Variants in DOCK2 observed in about 807,000 individuals in gnomAD.
The protein encoded by DOCK2 is dedicator of cytokinesis protein 2.
DOCK2 carries 87 observed loss-of-function variants against 248.9 expected under a neutral mutation model. The observed-to-expected ratio is 0.35, with a 90% CI of 0.29 to 0.42. The LOEUF (loss-of-function observed/expected upper bound fraction) is 0.42, where lower values mean the gene tolerates loss of function less well. Among genes scored for constraint, DOCK2 ranks in the 10% least tolerant of loss-of-function variants. DOCK2 has a pLI of 1.00. For synonymous variants in DOCK2, 805 were observed against 821.6 expected, an observed-to-expected ratio of 0.98 and a Z score of 0.35; for missense variants, 1,747 against 2,300.2, an observed-to-expected ratio of 0.76 and a Z score of 4.92.
At chr5:170,045,201 G>T (rs1162621124) in intron 38 of DOCK2, among the ~76,000 whole-genome samples, 1 of 152,146 alleles carries the variant, frequency 6.6e-6, no homozygotes, top group African/African-American at 2.4e-5. Context: ...GATTGGCAGA[G>T]TAGAAGAATC....
intron 17 of DOCK2, among the ~76,000 whole-genome samples, chr5:169,713,476 A>G (rs1326789258): frequency 6.6e-6 from 1 of 152,100 alleles, no homozygotes; most frequent in Non-Finnish European, 1.5e-5. Flanking sequence ...TATGTATTCT[A>G]TATGCATTAT....
At chr5:169,732,587 G>A (rs978100435) in intron 22 of DOCK2, among the ~76,000 whole-genome samples, 4 of 152,258 alleles carry the variant, frequency 2.6e-5, no homozygotes, top group Non-Finnish European at 4.4e-5. Context: ...AGTATGCAGC[G>A]TGAGACAGAA....
At chr5:169,828,962 GA>G (rs1769052102) in intron 26 of DOCK2, among the ~76,000 whole-genome samples, 1 of 152,224 alleles carries the variant, frequency 6.6e-6, no homozygotes, top group African/African-American at 2.4e-5. Context: ...AACAGTGTAA[GA>G]GGGGGCAGCT....
At chr5:169,900,098 C>G (rs1026342828) in intron 27 of DOCK2, among the ~76,000 whole-genome samples, 3 of 152,188 alleles carry the variant, frequency 2.0e-5, no homozygotes, top group African/African-American at 7.2e-5. Flanking sequence ...TAAGCACCCA[C>G]TATGTGCCAA....
At chr5:170,063,890 CAG>C (rs886181117) in intron 44 of DOCK2, among the ~76,000 whole-genome samples, 1 of 152,140 alleles carries the variant, frequency 6.6e-6, no homozygotes. Context: ...CAGCTTAGGG[CAG>C]AGAGAGTGAG....
chr5:170,065,324 A>G (rs1278009067), intron 44 of DOCK2, among the ~76,000 whole-genome samples: 1 of 152,216 alleles, frequency 6.6e-6, no homozygotes, highest in Non-Finnish European at 1.5e-5. Flanking sequence ...GGAAGAAAGT[A>G]ATAAAGGAAA....
rs1764264615 is a variant in DOCK2, at chr5:169,757,693, AG to A, written c.2377-2009del. On this transcript the variant is annotated intron_variant, in intron 23 of 51. Coordinates refer to ENST00000520908, the MANE Select transcript of DOCK2 (RefSeq NM_004946.3). ...TTCTTGTAAAATATGTTACTGTAAA[AG>A]GGTTACTATTAATGATGCATGAAAA... Among the ~76,000 whole-genome samples the A allele has an allele frequency of 2.6e-5, 4 of 152,226 alleles. No homozygotes were observed. The South Asian group carries it at 8.3e-4, about 31-fold the overall frequency.
intron 27 of DOCK2, among the ~76,000 whole-genome samples, chr5:169,844,794 G>A (rs541580942): frequency 2.7e-5 from 4 of 150,052 alleles, no homozygotes; most frequent in African/African-American, 9.8e-5. Context: ...CTCTTAGACT[G>A]TAAGAGTTTA....
At chr5:170,026,687 C>T (rs771462503) in intron 33 of DOCK2, among the ~76,000 whole-genome samples, 1 of 152,178 alleles carries the variant, frequency 6.6e-6, no homozygotes, top group Non-Finnish European at 1.5e-5. Context: ...CAAAACAATG[C>T]GTTGAATAAG....
intron 26 of DOCK2, among the ~76,000 whole-genome samples, chr5:169,830,994 G>A (rs182747178): frequency 8.5e-5 from 13 of 152,306 alleles, no homozygotes; most frequent in Middle Eastern, 3.4e-3. Context: ...CTGTGGACAT[G>A]ATTCTTTAGG....
At chr5:169,867,262 A>T (rs1244182600) in intron 27 of DOCK2, among the ~76,000 whole-genome samples, 4 of 152,222 alleles carry the variant, frequency 2.6e-5, no homozygotes, top group Non-Finnish European at 4.4e-5. Context: ...GGCCTTAGGC[A>T]GGTGACAGGA....
intron 44 of DOCK2, among the ~76,000 whole-genome samples, chr5:170,058,545 G>A (rs1757217083): frequency 6.6e-6 from 1 of 152,130 alleles, no homozygotes; most frequent in African/African-American, 2.4e-5. Context: ...GAGGAAATGA[G>A]GAAGGGGTCC....
intron 32 of DOCK2, among the ~76,000 whole-genome samples, chr5:170,015,087 C>T (rs1755468075): frequency 6.6e-6 from 1 of 152,096 alleles, no homozygotes; most frequent in South Asian, 2.1e-4. Context: ...TCAGGGAGCT[C>T]CATGGGGTTA....
At chr5:169,829,151 A>G (rs1281524860) in intron 26 of DOCK2, among the ~76,000 whole-genome samples, 1 of 152,124 alleles carries the variant, frequency 6.6e-6, no homozygotes, top group Non-Finnish European at 1.5e-5. Context: ...CTTGTTGTGA[A>G]GCTGGGAAAT....
At chr5:169,808,939 C>G (rs1380664752) in intron 26 of DOCK2, among the ~76,000 whole-genome samples, 1 of 151,794 alleles carries the variant, frequency 6.6e-6, no homozygotes, top group Non-Finnish European at 1.5e-5. Flanking sequence ...ATTGGCTAAA[C>G]CTGGGTGGGG....
intron 25 of DOCK2, chr5:169,779,242 AAG>A (rs1395711272): frequency 6.6e-6 from 1 of 152,280 alleles, no homozygotes; most frequent in African/African-American, 2.4e-5. Context: ...TACTGAGTAG[AAG>A]AGTTAAGATA....
At position 170,050,303 on chromosome 5, in the gene DOCK2, T is replaced by C. The variant is rs1315645625; in HGVS notation, c.4119T>C (p.Asp1373=). Residue 1373 remains aspartate (D), a synonymous_variant, in exon 41 of 52, where the codon GAT becomes GAC. Transcript: ENST00000520908. ...GGAAGGAATATGAGCGAAGAGAAGA[T>C]TTCCAGATGCAGCTGATGACCCAGT... ...YRGKEYERRE[D]FQMQLMTQFP... is the part of the protein sequence containing the mutation. 2 of 1,614,032 alleles carry C rather than the reference T, an allele frequency of 1.2e-6. No individual in the cohort carries two copies. The highest frequency in any genetic ancestry group is 2.7e-5 in the African/African-American group (2 of 74,922).
intron 10 of DOCK2, among the ~76,000 whole-genome samples, chr5:169,697,625 C>T (rs1760710141): frequency 6.6e-6 from 1 of 152,130 alleles, no homozygotes; most frequent in African/African-American, 2.4e-5. Flanking sequence ...GTTTCTCCTC[C>T]TGTCTGCTCT....
intron 26 of DOCK2, among the ~76,000 whole-genome samples, chr5:169,805,000 A>G (rs1003063557): frequency 4.6e-5 from 7 of 152,282 alleles, no homozygotes; most frequent in African/African-American, 1.7e-4. Flanking sequence ...CTTTTTAAAA[A>G]TTGTTTTTTT....
Sources: allele counts gnomAD v4.1 joint callset (sites outside exome capture counted in the v4.1 genomes callset), GRCh38; gene constraint gnomAD v4.1.1; transcripts MANE v1.5; gene names NCBI Gene and HGNC (gene_info 2026-07-23, HGNC 2026-07-21).